NR1D2: variants seen among roughly 807,000 people sequenced by gnomAD.
NR1D2 encodes the protein V-erbA-related protein 1-related.
Under a neutral mutation model 52.2 loss-of-function variants are expected in NR1D2, and 25 were observed. That is an observed-to-expected ratio of 0.48 (90% confidence interval 0.35 to 0.67). The LOEUF (loss-of-function observed/expected upper bound fraction) is 0.67, where lower values mean the gene tolerates loss of function less well. Among genes scored for constraint, NR1D2 ranks in the 30% least tolerant of loss-of-function variants. NR1D2 has a pLI of 0.01. For synonymous variants in NR1D2, 259 were observed against 230.1 expected, an observed-to-expected ratio of 1.13 and a Z score of -1.14; for missense variants, 681 against 707.2, an observed-to-expected ratio of 0.96 and a Z score of 0.42.
chr3:23,963,492 C>A, intron 5 of NR1D2: 1 of 788,342 alleles, frequency 1.3e-6, no homozygotes, highest in Non-Finnish European at 1.5e-6. Flanking sequence ...CTCTGTTGCC[C>A]AGGCTGGAGT....
At chr3:23,950,614 T>A (rs927046103) in intron 1 of NR1D2, among the ~76,000 whole-genome samples, 8 of 152,224 alleles carry the variant, frequency 5.3e-5, no homozygotes, top group Non-Finnish European at 1.2e-4. Context: ...CCAAGACAAC[T>A]AAATCAATAT....
At chr3:23,955,858 G>A (rs1036787805) in intron 2 of NR1D2, among the ~76,000 whole-genome samples, 179 bp from the exon 3 acceptor site, 13 of 151,856 alleles carry the variant, frequency 8.6e-5, no homozygotes, top group African/African-American at 3.1e-4. Flanking sequence ...AAAAAACACC[G>A]TAAGAAAATT....
chr3:23,964,952 A>T (rs774851620), intron 5 of NR1D2, 25 bp from the exon 6 acceptor site: 4 of 1,499,714 alleles, frequency 2.7e-6, no homozygotes, highest in Non-Finnish European at 3.6e-6. Context: ...AGTATTTAAG[A>T]GTTTTTCCGT....
intron 3 of NR1D2, 67 bp from the exon 4 acceptor site, chr3:23,959,604 A>G (rs1384912368): frequency 6.1e-6 from 9 of 1,476,470 alleles, no homozygotes; most frequent in Non-Finnish European, 8.3e-6. Flanking sequence ...TAGGTATGGG[A>G]GCAGTGTTTA....
In NR1D2 at chr3:23,979,356, T is replaced by C. The variant is rs1706817168; in HGVS notation, c.*1937T>C. 1 of 152,084 alleles carries C rather than the reference T, an allele frequency of 6.6e-6. No individual in the cohort carries two copies. The highest frequency in any genetic ancestry group is 1.5e-5 in the Non-Finnish European group (1 of 67,914). 9.4% of individuals were successfully genotyped at this position (152,084 alleles called of 1,614,324 possible). On this transcript the variant is annotated 3_prime_UTR_variant, in exon 8 of 8. Coordinates refer to ENST00000312521, the MANE Select transcript of NR1D2 (RefSeq NM_005126.5). ...AATTTTTTTTCCTAAGATAAACAAA[T>C]GCATAGTTTTCTTCTATGGGTGATA...
intron 1 of NR1D2, chr3:23,946,010 C>G: frequency 1.4e-6 from 1 of 719,220 alleles, no homozygotes; most frequent in Non-Finnish European, 1.7e-6. Flanking sequence ...CCCGGGGCCG[C>G]AGGGACACGT....
chr3:23,946,050 C>G (rs1270267719), intron 1 of NR1D2: 1 of 965,340 alleles, frequency 1.0e-6, no homozygotes, highest in African/African-American at 1.8e-5. Context: ...CGCGCGCTGG[C>G]TGGGAGCGCC....
chr3:23,946,004 G>C (rs1705680501), intron 1 of NR1D2: 1 of 676,622 alleles, frequency 1.5e-6, no homozygotes, highest in African/African-American at 2.0e-5. Context: ...ACATTCCCCG[G>C]GGCCGCAGGG....
intron 3 of NR1D2, among the ~76,000 whole-genome samples, chr3:23,958,721 G>T (rs1333190980): frequency 6.6e-6 from 1 of 151,696 alleles, no homozygotes; most frequent in Non-Finnish European, 1.5e-5. Flanking sequence ...GCCAAGGTGG[G>T]CGGATCAGTT....
At chr3:23,970,119 G>T (rs1706547730) in intron 7 of NR1D2, among the ~76,000 whole-genome samples, 1 of 152,218 alleles carries the variant, frequency 6.6e-6, no homozygotes, top group African/African-American at 2.4e-5. Context: ...TGAACAAAGT[G>T]ATGTTTAACA....
chr3:23,968,793 G>A (rs1027635139), intron 7 of NR1D2, among the ~76,000 whole-genome samples: 1 of 152,160 alleles, frequency 6.6e-6, no homozygotes, highest in Non-Finnish European at 1.5e-5. Flanking sequence ...ACTTTCCTGG[G>A]TATGTCTAAG....
chr3:23,954,392 A>G (rs1415106902), intron 1 of NR1D2, 145 bp from the exon 2 acceptor site: 2 of 695,678 alleles, frequency 2.9e-6, no homozygotes, highest in Non-Finnish European at 4.8e-6. Context: ...ATAAGGAAAT[A>G]CTTTATTTTT....
Position 23,977,491 on chromosome 3 carries a change from A to G in NR1D2, c.*72A>G, listed in dbSNP as rs1023050586. On this transcript the variant is annotated 3_prime_UTR_variant, in exon 8 of 8. Coordinates refer to ENST00000312521, the MANE Select transcript of NR1D2 (RefSeq NM_005126.5). ...TGCTAAAATGCATATTTATATGTGT[A>G]TACCATATGTGGAGATAGAAAAGAC... 11 of 991,488 alleles carry G rather than the reference A, an allele frequency of 1.1e-5. No individual in the cohort carries two copies. The highest frequency in any genetic ancestry group is 1.6e-5 in the African/African-American group (1 of 61,498). The allele number at this position is 991,488 out of a possible 1,614,324, so 61.4% of individuals were successfully genotyped here. A position where few individuals can be genotyped will look rare whatever the true frequency, so the allele number is the denominator to read the frequency against.
intron 5 of NR1D2, 39 bp from the exon 6 acceptor site, chr3:23,964,938 T>A: frequency 1.2e-5 from 16 of 1,372,080 alleles, no homozygotes; most frequent in Non-Finnish European, 1.6e-5. Flanking sequence ...CTTTACCACC[T>A]CTTAGTATTT....
chr3:23,945,417 GCTGC>G lies in NR1D2; in HGVS notation c.-161_-158del. ...CCTCTCTCGCTGCAGCCTGCTGTGCGCTGCACGGCCTGGGGCCCGGGAGCCCCGC... is the reference window on the plus strand; with the variant it reads ...CCTCTCTCGCTGCAGCCTGCTGTGCGACGGCCTGGGGCCCGGGAGCCCCGC... On this transcript the variant is annotated 5_prime_UTR_variant, in exon 1 of 8. Transcript: ENST00000312521. The G allele has an allele frequency of 4.8e-6, 1 of 207,850 alleles. No homozygotes were observed. Among genetic ancestry groups the G allele is most frequent in the Non-Finnish European group, 8.9e-6 (1 of 112,344 alleles). The allele number at this position is 207,850 out of a possible 1,614,324, so 12.9% of individuals were successfully genotyped here.
In NR1D2 at chr3:23,956,107, T is replaced by A; in HGVS notation, c.354T>A (p.His118Gln). Residue 118 changes from histidine (H) to glutamine (Q), a missense_variant, in exon 3 of 8, where the codon CAT (histidine) becomes CAA (glutamine). Physicochemically the swap from His to Gln is conservative, Grantham distance 24. Around this residue, in one of 3 missense-constraint regions of NR1D2, gnomAD observed 112 missense variants for 162.3 expected, o/e 0.69. Coordinates refer to ENST00000312521, the MANE Select transcript of NR1D2 (RefSeq NM_005126.5). The stretch of plus-strand genomic sequence containing the variant: ...CGTCAGGATTCCACTATGGAGTTCA[T>A]GCTTGCGAAGGCTGTAAGGTAAAGC... ...DVASGFHYGV[H>Q]ACEGCKGFFR... is the part of the protein sequence containing the mutation. 6.2e-7 allele frequency: 1 copy of A among 1,613,774 alleles called. No homozygotes were observed. The highest frequency in any genetic ancestry group is 8.5e-7 in the Non-Finnish European group (1 of 1,179,676).
At chr3:23,964,915 G>A (rs1053037932) in intron 5 of NR1D2, 62 bp from the exon 6 acceptor site, 2 of 1,138,380 alleles carry the variant, frequency 1.8e-6, no homozygotes, top group Non-Finnish European at 1.3e-6. Context: ...TTGAGATGCT[G>A]CTTTTGACAT....
At chr3:23,950,885 C>CTTCTCT (rs1322880677) in intron 1 of NR1D2, among the ~76,000 whole-genome samples, 36 of 131,704 alleles carry the variant, frequency 2.7e-4, no homozygotes, top group African/African-American at 1.2e-3. Flanking sequence ...AATTTCTTTT[C>CTTCTCT]TTTTCTCTTT....
chr3:23,948,986 G>A (rs1705854602), intron 1 of NR1D2, among the ~76,000 whole-genome samples: 1 of 152,090 alleles, frequency 6.6e-6, no homozygotes, highest in African/African-American at 2.4e-5. Context: ...TAGTCATGCT[G>A]GCTTATTTCC....
Sources: gnomAD v4.1 joint callset for allele counts (sites outside exome capture counted in the v4.1 genomes callset) on GRCh38, gnomAD v4.1.1 for gene constraint, gnomAD v4.1.1 regional missense constraint, MANE v1.5 for transcripts, NCBI Gene and HGNC (gene_info 2026-07-23, HGNC 2026-07-21) for gene names.